Variants in CCND3 observed in about 807,000 individuals in gnomAD.
CCND3 encodes cyclin D3.
In CCND3, 9 loss-of-function variants were observed where a neutral mutation model predicts 28.7. That is an observed-to-expected ratio of 0.31 (90% CI 0.19 to 0.55). The LOEUF (loss-of-function observed/expected upper bound fraction) is 0.55, where lower values mean the gene tolerates loss of function less well. CCND3 is among the 20% of genes least tolerant of loss of function. The pLI, the probability that CCND3 is intolerant of heterozygous loss-of-function variation, is 0.93. For missense variants in CCND3, 315 were observed against 385.8 expected (o/e 0.82, Z 1.54); for synonymous variants, 164 against 163.9 (o/e 1.00, Z 0.00).
chr6:41,937,145 G>A (rs775544672), intron 3 of CCND3, 90 bp downstream of exon 3: 1 of 1,404,568 alleles, frequency 7.1e-7, no homozygotes, highest in Non-Finnish European at 1.0e-6. Flanking sequence ...AAGGAATTTT[G>A]ACAGTATAAA....
In CCND3 at chr6:41,937,091, T is replaced by C. The variant is rs116799352; in HGVS notation, c.574+144A>G. The C allele has an allele frequency of 9.4e-4, 807 of 857,030 alleles. 7 individuals carry two copies. In the African/African-American group the frequency reaches 0.012, roughly 13 times the overall value. 53.1% of individuals were successfully genotyped at this position (857,030 alleles called of 1,614,324 possible). ...CCATATAGCTGATTATAACCTGCTT[T>C]TCTGCATTGAGACTGGGGGCTCAGA... On this transcript the variant is annotated intron_variant, in intron 3 of 4. Coordinates refer to ENST00000372991, the MANE Select transcript of CCND3 (RefSeq NM_001760.5).
At chr6:41,951,575 C>A (rs71544447) in intron 1 of CCND3, among the ~76,000 whole-genome samples, 54,647 of 69,520 alleles carry the variant, frequency 0.79, 22,462 homozygotes, top group African/African-American at 0.85. Context: ...CACACACACA[C>A]AAAAAAAAAG....
In CCND3 at chr6:42,048,631, C is replaced by G; in HGVS notation, c.-176G>C. On this transcript the variant is annotated 5_prime_UTR_variant, in exon 1 of 5. Transcript: ENST00000372988. This position sits in a 1 kb window ranked among gnomAD's most constrained non-coding sequence, Gnocchi z 4.7. The stretch of plus-strand genomic sequence containing the variant: ...GCCGCGAGGAGAGGATTGCACCTCT[C>G]CCCCCCGGCCGGCATCCGAACAGAG... The G allele has an allele frequency of 3.9e-6, 2 of 516,518 alleles. No individual in the cohort carries two copies. Among genetic ancestry groups the G allele is most frequent in the South Asian group, 2.8e-5 (2 of 71,148 alleles). 32.0% of individuals were successfully genotyped at this position (516,518 alleles called of 1,614,324 possible). A position where few individuals can be genotyped will look rare whatever the true frequency, so the allele number is the denominator to read the frequency against.
chr6:41,959,107 G>C (rs1761624322), intron 1 of CCND3, among the ~76,000 whole-genome samples: 1 of 152,080 alleles, frequency 6.6e-6, no homozygotes, highest in Non-Finnish European at 1.5e-5. Flanking sequence ...CTGAGGTCAG[G>C]AGTTCGAGAC....
chr6:41,962,324 T>C (rs1054515952), intron 1 of CCND3, among the ~76,000 whole-genome samples: 1 of 152,086 alleles, frequency 6.6e-6, no homozygotes, highest in Non-Finnish European at 1.5e-5. Flanking sequence ...GGTCTTGAAC[T>C]CCTGACCTCA....
chr6:41,988,024 A>C (rs1762536969), intron 1 of CCND3, among the ~76,000 whole-genome samples: 4 of 152,052 alleles, frequency 2.6e-5, no homozygotes, highest in African/African-American at 9.6e-5. Flanking sequence ...AGATAAAAAT[A>C]ATTAAAACAG....
In CCND3 at chr6:41,937,149, G is replaced by A. The variant is rs762592347; in HGVS notation, c.574+86C>T. ...TAATTTTCACAAAGGAATTTTGACA[G>A]TATAAACCAGAATCTTCAGTTACCT... On this transcript the variant is annotated intron_variant, in intron 3 of 4. Coordinates refer to ENST00000372991, the MANE Select transcript of CCND3 (RefSeq NM_001760.5). The A allele has an allele frequency of 7.6e-6, 11 of 1,445,938 alleles. No individual in the cohort carries two copies. In the East Asian group the frequency reaches 2.3e-4, roughly 30 times the overall value. 89.6% of individuals were successfully genotyped at this position (1,445,938 alleles called of 1,614,324 possible).
chr6:41,996,994 C>A (rs1459315151), intron 1 of CCND3, among the ~76,000 whole-genome samples: 1 of 152,150 alleles, frequency 6.6e-6, no homozygotes, highest in African/African-American at 2.4e-5. Flanking sequence ...TGCTGCCCAC[C>A]CCCTCCAGCA....
chr6:41,952,841 C>T (rs74979086), intron 1 of CCND3, among the ~76,000 whole-genome samples: 5,636 of 146,088 alleles, frequency 0.039, 203 homozygotes, highest in African/African-American at 0.09. Context: ...TGACATGAAA[C>T]GTGGGATTTC....
At chr6:42,023,290 G>A (rs1480530204) in intron 1 of CCND3, among the ~76,000 whole-genome samples, 1 of 152,188 alleles carries the variant, frequency 6.6e-6, no homozygotes, top group Non-Finnish European at 1.5e-5. Flanking sequence ...GCCTAGGGCT[G>A]ACGTGCTGGC....
intron 1 of CCND3, among the ~76,000 whole-genome samples, chr6:41,953,931 GA>G (rs947799091): frequency 8.0e-5 from 12 of 149,926 alleles, no homozygotes; most frequent in Non-Finnish European, 1.0e-4. Flanking sequence ...TTAAGAGTTT[GA>G]AAAAAAAATA....
chr6:42,035,866 C>T (rs372954072), intron 1 of CCND3, among the ~76,000 whole-genome samples: 7 of 151,810 alleles, frequency 4.6e-5, no homozygotes, highest in East Asian at 1.9e-4. Flanking sequence ...TTAGTAGAGA[C>T]GGGGTTTCAC....
chr6:41,964,284 G>C (rs866903648), intron 1 of CCND3, among the ~76,000 whole-genome samples: 32 of 152,146 alleles, frequency 2.1e-4, no homozygotes, highest in Admixed American at 9.2e-4. Context: ...GTGTGTATGT[G>C]TGTGTGTGTG....
At position 41,938,734 on chromosome 6, in the gene CCND3, C is replaced by A. The variant is rs1775890642; in HGVS notation, c.415-1340G>T. Among the ~76,000 whole-genome samples the A allele has an allele frequency of 6.6e-6, 1 of 152,150 alleles. No homozygotes were observed. Among genetic ancestry groups the A allele is most frequent in the African/African-American group, 2.4e-5 (1 of 41,412 alleles). On this transcript the variant is annotated intron_variant, in intron 2 of 4. Transcript: ENST00000372991. The surrounding 1 kb of genome is among the most constrained non-coding windows in gnomAD (Gnocchi z 4.6). ...AGTAGGTGGCAGCGGCCATCACATT[C>A]CTGACTTTTAAGGCAACCTGGTCTA...
At position 41,960,397 on chromosome 6, in the gene CCND3, A is replaced by T. The variant is rs533063970; in HGVS notation, c.-45-19812T>A. Among the ~76,000 whole-genome samples the T allele has an allele frequency of 5.9e-5, 9 of 152,376 alleles. No individual in the cohort carries two copies. The East Asian group carries it at 1.2e-3, about 20-fold the overall frequency. On this transcript the variant is annotated intron_variant, in intron 1 of 4. Transcript: ENST00000372988. The stretch of plus-strand genomic sequence containing the variant: ...AGGTGAATGCTATGGTATGTAACTT[A>T]TAACTCAATAAAACTTTTTTATAAA...
intron 1 of CCND3, among the ~76,000 whole-genome samples, chr6:41,957,814 C>A (rs1406609721): frequency 6.6e-6 from 1 of 152,048 alleles, no homozygotes; most frequent in Non-Finnish European, 1.5e-5. Context: ...AGATTCCTCT[C>A]ATTGTAGGTT....
At chr6:41,960,081 A>C (rs1761679889) in intron 1 of CCND3, among the ~76,000 whole-genome samples, 1 of 152,238 alleles carries the variant, frequency 6.6e-6, no homozygotes, top group East Asian at 1.9e-4. Context: ...TGCATGCTAC[A>C]ACACGGATGA....
intron 1 of CCND3, among the ~76,000 whole-genome samples, chr6:42,008,106 C>T (rs1763230052): frequency 2.0e-5 from 3 of 152,014 alleles, no homozygotes; most frequent in Non-Finnish European, 4.4e-5. Context: ...CTTGGCTAGG[C>T]GCGGTGGCTC....
chr6:42,002,943 A>G (rs901189701), intron 1 of CCND3, among the ~76,000 whole-genome samples: 1 of 152,090 alleles, frequency 6.6e-6, no homozygotes, highest in Non-Finnish European at 1.5e-5. Flanking sequence ...CAGGCAGATC[A>G]CCTGAGGTTG....
Sources: gnomAD v4.1 joint callset for allele counts (sites outside exome capture counted in the v4.1 genomes callset) on GRCh38, gnomAD v4.1.1 for gene constraint, Gnocchi (gnomAD v3.1) non-coding constraint, MANE v1.5 for transcripts, NCBI Gene and HGNC (gene_info 2026-07-23, HGNC 2026-07-21) for gene names.